Variants in SEC22A observed in about 807,000 individuals in gnomAD.
SEC22A encodes the protein SEC22 homolog A, vesicle trafficking protein.
SEC22A carries 22 observed loss-of-function variants against 35.3 expected under a neutral mutation model. The ratio of observed to expected loss-of-function variants is 0.62; its 90% CI spans 0.45 to 0.89. SEC22A has a LOEUF of 0.89. Ranked by LOEUF, SEC22A falls within the 40% of genes least tolerant of loss-of-function variation. SEC22A has a pLI of 0.00. For missense variants in SEC22A, 354 were observed against 362.5 expected (o/e 0.98, Z 0.19); for synonymous variants, 119 against 129.5 (o/e 0.92, Z 0.55).
chr3:123,237,624 A>C (rs1937445247), intron 4 of SEC22A, among the ~76,000 whole-genome samples: 1 of 152,174 alleles, frequency 6.6e-6, no homozygotes, highest in African/African-American at 2.4e-5. Context: ...TGGGTCTGGC[A>C]GTCAATATTG....
At chr3:123,211,032 C>T (rs61272300) in intron 2 of SEC22A, among the ~76,000 whole-genome samples, 2 of 151,998 alleles carry the variant, frequency 1.3e-5, no homozygotes, top group African/African-American at 2.4e-5. Flanking sequence ...GATTGAAGGA[C>T]GTGACTTTGA....
chr3:123,229,035 CGAA>C (rs1392382578), intron 4 of SEC22A, among the ~76,000 whole-genome samples: 1 of 151,608 alleles, frequency 6.6e-6, no homozygotes, highest in Non-Finnish European at 1.5e-5. Context: ...GATAGGATAC[CGAA>C]GAAGAAGGGG....
chr3:123,230,697 T>TG (rs1209822680), intron 4 of SEC22A, among the ~76,000 whole-genome samples: 2 of 59,784 alleles, frequency 3.3e-5, no homozygotes, highest in African/African-American at 8.9e-5. Context: ...ATTCACTTCA[T>TG]GCAAAAAAAA....
rs1487888394 is a variant in SEC22A at position 123,223,592 on chromosome 3, G to A, written c.216G>A (p.Met72Ile). Residue 72 changes from methionine (M) to isoleucine (I), a missense_variant, in exon 3 of 7, where the codon ATG (methionine) becomes ATA (isoleucine). By Grantham distance (10) the Met-to-Ile change is conservative. Transcript: ENST00000492595. ...GCTCTCTGGGAGTGAGCTACATGAT[G>A]TTGTGCACTGAAAATTACCCAAATG... The part of the protein sequence containing the change: ...FISSLGVSYM[M>I]LCTENYPNVL... The A allele has an allele frequency of 6.2e-7, 1 of 1,613,806 alleles. No homozygotes were observed.
In SEC22A at chr3:123,209,238, C is replaced by T. The variant is rs749707801; in HGVS notation, c.21C>T (p.Ala7=). 6.2e-6 allele frequency: 10 copies of T among 1,613,962 alleles called. No individual in the cohort carries two copies. Among genetic ancestry groups the T allele is most frequent in the South Asian group, 3.3e-5 (3 of 91,066 alleles). Residue 7 remains alanine (A), a synonymous_variant, in exon 2 of 7, where the codon GCC becomes GCT. Transcript: ENST00000492595. ...TTGAAATGTCTATGATTTTATCTGC[C>T]TCAGTCATTCGTGTCAGAGATGGAC... The part of the protein sequence containing the change: MSMILS[A]SVIRVRDGLP...
intron 2 of SEC22A, among the ~76,000 whole-genome samples, chr3:123,216,246 A>G (rs1268836151): frequency 6.6e-6 from 1 of 152,182 alleles, no homozygotes; most frequent in East Asian, 1.9e-4. Flanking sequence ...GTTAGGGATT[A>G]TCTGATCAGT....
Position 123,271,788 on chromosome 3 carries a change from T to C in SEC22A, c.*66T>C. On this transcript the variant is annotated 3_prime_UTR_variant, in exon 7 of 7. Coordinates refer to ENST00000492595, the MANE Select transcript of SEC22A (RefSeq NM_012430.5). ...AGGAGGGAACATATCATAACTGCAC[T>C]GTGATGAAGAAGCTGTTCCCCACAG... 7.6e-7 allele frequency: 1 copy of C among 1,308,534 alleles called. No individual in the cohort carries two copies. The highest frequency in any genetic ancestry group is 1.2e-5 in the South Asian group (1 of 80,660). The allele number at this position is 1,308,534 out of a possible 1,614,324, so 81.1% of individuals were successfully genotyped here. A position where few individuals can be genotyped will look rare whatever the true frequency, so the allele number is the denominator to read the frequency against.
At chr3:123,209,954 G>A (rs1175301019) in intron 2 of SEC22A, among the ~76,000 whole-genome samples, 1 of 152,170 alleles carries the variant, frequency 6.6e-6, no homozygotes, top group Non-Finnish European at 1.5e-5. Context: ...AGCAGCCAGT[G>A]GAGAAGCCCT....
At chr3:123,211,728 G>A (rs1032383701) in intron 2 of SEC22A, among the ~76,000 whole-genome samples, 3 of 152,172 alleles carry the variant, frequency 2.0e-5, no homozygotes, top group Admixed American at 2.0e-4. Context: ...AAAGTACTGG[G>A]ATTACAGACA....
At chr3:123,245,319 T>C (rs1937557411) in intron 4 of SEC22A, among the ~76,000 whole-genome samples, 1 of 152,194 alleles carries the variant, frequency 6.6e-6, no homozygotes, top group Admixed American at 6.5e-5. Flanking sequence ...TGCAGTAAGG[T>C]TTTTTCTAAA....
At chr3:123,221,470 CAAAAAAAAAA>C (rs56800842) in intron 2 of SEC22A, among the ~76,000 whole-genome samples, 1 of 60,612 alleles carries the variant, frequency 1.6e-5, no homozygotes, top group Non-Finnish European at 2.9e-5. Context: ...GAGTCCATCT[CAAAAAAAAAA>C]AAAAAAAAAA....
At chr3:123,260,601 G>A (rs545480548) in intron 6 of SEC22A, among the ~76,000 whole-genome samples, 1 of 152,244 alleles carries the variant, frequency 6.6e-6, no homozygotes, top group East Asian at 1.9e-4. Flanking sequence ...GAATGTCTTT[G>A]TTAAAACGTG....
chr3:123,273,026 ACT>A lies in SEC22A; in HGVS notation c.*1308_*1309del, dbSNP rs544643009. ...TTGGATTCCACTAGCAAAATCTATA[ACT>A]CTCATGGTTTTGGAAGTCATCTTCA... On this transcript the variant is annotated 3_prime_UTR_variant, in exon 7 of 7. Transcript: ENST00000492595. 67 of 153,776 alleles carry A rather than the reference ACT, an allele frequency of 4.4e-4. No homozygotes were observed. The highest frequency in any genetic ancestry group is 8.5e-4 in the Non-Finnish European group (58 of 68,012). The allele number at this position is 153,776 out of a possible 1,614,324, so 9.5% of individuals were successfully genotyped here. A position where few individuals can be genotyped will look rare whatever the true frequency, so the allele number is the denominator to read the frequency against.
At chr3:123,219,339 A>G (rs570824378) in intron 2 of SEC22A, among the ~76,000 whole-genome samples, 1 of 152,306 alleles carries the variant, frequency 6.6e-6, no homozygotes, top group South Asian at 2.1e-4. Flanking sequence ...ATTACTCTTA[A>G]TTTCGGGAAT....
chr3:123,227,752 C>A (rs1357505603), intron 4 of SEC22A, among the ~76,000 whole-genome samples: 1 of 152,062 alleles, frequency 6.6e-6, no homozygotes, highest in African/African-American at 2.4e-5. Flanking sequence ...GAGTTCAAGA[C>A]CAGCCTGGCC....
Position 123,225,222 on chromosome 3 carries a change from T to C in SEC22A, c.466T>C (p.Cys156Arg), listed in dbSNP as rs756695152. 2.5e-6 allele frequency: 4 copies of C among 1,613,818 alleles called. No individual in the cohort carries two copies. The highest frequency in any genetic ancestry group is 3.4e-6 in the Non-Finnish European group (4 of 1,179,720). The change falls in exon 4 of 7, where the codon TGC becomes CGC. Residue 156 changes from cysteine to arginine, a missense_variant. Cys to Arg is a radical substitution (Grantham distance 180). Coordinates refer to ENST00000492595, the MANE Select transcript of SEC22A (RefSeq NM_012430.5). Reference sequence around the variant, plus strand: ...GAGGCCTCCTTATCAAATTTCCATGTGCGAACTGGGGTCAGCCAATGGAGT... The same window carrying C: ...GAGGCCTCCTTATCAAATTTCCATGCGCGAACTGGGGTCAGCCAATGGAGT... ...KLRPPYQISM[C>R]ELGSANGVTS...
At chr3:123,269,874 C>T (rs1039811826) in intron 6 of SEC22A, among the ~76,000 whole-genome samples, 11 of 151,912 alleles carry the variant, frequency 7.2e-5, no homozygotes, top group African/African-American at 1.2e-4. Flanking sequence ...CCTCGTGATC[C>T]GCCTGCCTGG....
intron 4 of SEC22A, among the ~76,000 whole-genome samples, chr3:123,242,541 C>T (rs1385195410): frequency 6.7e-6 from 1 of 150,262 alleles, no homozygotes; most frequent in Non-Finnish European, 1.5e-5. Context: ...TTAATGAACT[C>T]CCAAGCACTC....
At position 123,271,973 on chromosome 3, in the gene SEC22A, C is replaced by G; in HGVS notation, c.*251C>G. ...CTTCAAGGCCGTAACAGTGGAAGAACAGTCATATGCCATTGGAAGTCTTGG... is the reference window on the plus strand; with the variant it reads ...CTTCAAGGCCGTAACAGTGGAAGAAGAGTCATATGCCATTGGAAGTCTTGG... On this transcript the variant is annotated 3_prime_UTR_variant, in exon 7 of 7. Transcript: ENST00000492595. 1 of 497,474 alleles carries G rather than the reference C, an allele frequency of 2.0e-6. No homozygotes were observed. The highest frequency in any genetic ancestry group is 2.4e-5 in the South Asian group (1 of 40,860). The allele number at this position is 497,474 out of a possible 1,614,324, so 30.8% of individuals were successfully genotyped here.
Sources: allele counts gnomAD v4.1 joint callset (sites outside exome capture counted in the v4.1 genomes callset), GRCh38; gene constraint gnomAD v4.1.1; transcripts MANE v1.5; gene names NCBI Gene and HGNC (gene_info 2026-07-23, HGNC 2026-07-21).